Variants in ANKRD6 observed in about 807,000 individuals in gnomAD.
ANKRD6 encodes ankyrin repeat domain 6.
Under a neutral mutation model 82.3 loss-of-function variants are expected in ANKRD6, and 56 were observed. The ratio of observed to expected loss-of-function variants is 0.68; its 90% CI spans 0.55 to 0.85. The LOEUF (loss-of-function observed/expected upper bound fraction) is 0.85. Ranked by LOEUF, ANKRD6 falls within the 40% of genes least tolerant of loss-of-function variation. The pLI is 0.00. For missense variants in ANKRD6, 852 were observed against 907.6 expected, an observed-to-expected ratio of 0.94 and a Z score of 0.79; for synonymous variants, 347 against 352.1, an observed-to-expected ratio of 0.99 and a Z score of 0.16.
intron 1 of ANKRD6, among the ~76,000 whole-genome samples, chr6:89,523,825 G>A (rs989689637): frequency 2.4e-4 from 37 of 152,012 alleles, no homozygotes; most frequent in African/African-American, 8.7e-4. Context: ...CTACCCTCAA[G>A]GAGTTTATAG....
At chr6:89,602,848 C>T (rs1277558947) in intron 3 of ANKRD6, 181 bp from the exon 4 acceptor site, 2 of 541,962 alleles carry the variant, frequency 3.7e-6, no homozygotes, top group East Asian at 2.9e-5. Context: ...TGCCAGCGTG[C>T]GTTGTCTACT....
At chr6:89,439,885 C>T (rs1214266133) in intron 1 of ANKRD6, among the ~76,000 whole-genome samples, 2 of 151,944 alleles carry the variant, frequency 1.3e-5, no homozygotes, top group Non-Finnish European at 2.9e-5. Context: ...TTAGTAGAGA[C>T]GGGGTTTTAC....
chr6:89,597,370 A>C (rs1417539009), intron 3 of ANKRD6, among the ~76,000 whole-genome samples: 3 of 152,244 alleles, frequency 2.0e-5, no homozygotes, highest in Admixed American at 2.0e-4. Context: ...TTTTGGCCAC[A>C]GAAAAGGTGG....
intron 2 of ANKRD6, among the ~76,000 whole-genome samples, chr6:89,592,048 G>C (rs569173246): frequency 6.6e-6 from 1 of 152,324 alleles, no homozygotes; most frequent in East Asian, 1.9e-4. Flanking sequence ...TCTTGGTGAA[G>C]AATGCCCTTC....
chr6:89,462,429 C>T (rs371922467), intron 1 of ANKRD6, among the ~76,000 whole-genome samples: 15 of 152,164 alleles, frequency 9.9e-5, no homozygotes, highest in African/African-American at 3.6e-4. Flanking sequence ...CTGATGGCTT[C>T]TATCTGCGTG....
chr6:89,514,987 T>A (rs558211655), intron 1 of ANKRD6, among the ~76,000 whole-genome samples: 1 of 152,380 alleles, frequency 6.6e-6, no homozygotes, highest in South Asian at 2.1e-4. Flanking sequence ...CTGGATAACC[T>A]GTTTGGTGAA....
chr6:89,543,316 C>T (rs377351777), intron 1 of ANKRD6, among the ~76,000 whole-genome samples: 10 of 152,250 alleles, frequency 6.6e-5, no homozygotes, highest in African/African-American at 2.4e-4. Context: ...CTTCCTCATC[C>T]AGGGAACCAT....
At chr6:89,479,709 T>A (rs1357140833) in intron 1 of ANKRD6, among the ~76,000 whole-genome samples, 1 of 151,724 alleles carries the variant, frequency 6.6e-6, no homozygotes, top group African/African-American at 2.4e-5. Context: ...GCCATGCTGG[T>A]GTGCTGCACC....
At chr6:89,459,026 G>A (rs1194069883) in intron 1 of ANKRD6, among the ~76,000 whole-genome samples, 1 of 152,136 alleles carries the variant, frequency 6.6e-6, no homozygotes, top group Admixed American at 6.6e-5. Context: ...TAGGCGCTTC[G>A]TGTCCTGTTG....
At chr6:89,516,050 T>C (rs1448235383) in intron 1 of ANKRD6, among the ~76,000 whole-genome samples, 1 of 152,198 alleles carries the variant, frequency 6.6e-6, no homozygotes, top group Non-Finnish European at 1.5e-5. Context: ...CTTCAGACTT[T>C]TGGCCTCCAA....
At chr6:89,452,522 T>A (rs894211138) in intron 1 of ANKRD6, among the ~76,000 whole-genome samples, 5 of 152,206 alleles carry the variant, frequency 3.3e-5, no homozygotes, top group Non-Finnish European at 7.3e-5. Context: ...TGACATTCAT[T>A]AAGGCTGAAT....
intron 8 of ANKRD6, chr6:89,617,056 C>A: frequency 2.5e-6 from 1 of 403,812 alleles, no homozygotes; most frequent in Admixed American, 2.7e-5. Context: ...CTTTCTCTTC[C>A]ACTTTGCCTG....
intron 1 of ANKRD6, among the ~76,000 whole-genome samples, chr6:89,495,768 A>G (rs996088598): frequency 2.0e-5 from 3 of 152,200 alleles, no homozygotes; most frequent in African/African-American, 7.2e-5. Context: ...TGCATTCAGT[A>G]AATTGCATTT....
intron 1 of ANKRD6, among the ~76,000 whole-genome samples, chr6:89,508,258 G>T (rs1271881589): frequency 6.6e-6 from 1 of 152,188 alleles, no homozygotes; most frequent in Non-Finnish European, 1.5e-5. Context: ...ATTGGCTAGG[G>T]CTGCAGTCTT....
intron 2 of ANKRD6, among the ~76,000 whole-genome samples, chr6:89,588,389 C>T (rs2128133912): frequency 6.6e-6 from 1 of 152,206 alleles, no homozygotes; most frequent in Middle Eastern, 3.4e-3. Flanking sequence ...CAGACTGACT[C>T]AAAAAAGGCT....
At chr6:89,491,468 A>G (rs1777997275) in intron 1 of ANKRD6, among the ~76,000 whole-genome samples, 1 of 152,184 alleles carries the variant, frequency 6.6e-6, no homozygotes, top group South Asian at 2.1e-4. Context: ...ATGCTTATGT[A>G]AGAAGTCCTC....
chr6:89,612,464 A>G, intron 6 of ANKRD6, 94 bp downstream of exon 6: 3 of 1,269,238 alleles, frequency 2.4e-6, no homozygotes, highest in Non-Finnish European at 3.2e-6. Context: ...ACATCTAGAA[A>G]TTAAAATGTA....
chr6:89,469,197 T>C (rs372076683), intron 1 of ANKRD6, among the ~76,000 whole-genome samples: 1 of 152,246 alleles, frequency 6.6e-6, no homozygotes, highest in African/African-American at 2.4e-5. Context: ...AGAGTATGTT[T>C]ACTGCAGTTG....
chr6:89,579,046 C>T (rs1791825404), intron 2 of ANKRD6, among the ~76,000 whole-genome samples: 1 of 152,326 alleles, frequency 6.6e-6, no homozygotes, highest in Middle Eastern at 3.4e-3. Context: ...TTGCCTCCTG[C>T]ACACCATTTC....
Sources: gnomAD v4.1 joint callset for allele counts (sites outside exome capture counted in the v4.1 genomes callset) on GRCh38, gnomAD v4.1.1 for gene constraint, MANE v1.5 for transcripts, NCBI Gene and HGNC (gene_info 2026-07-23, HGNC 2026-07-21) for gene names.